Variants in DUS3L observed in about 807,000 individuals in gnomAD.
DUS3L encodes the protein dihydrouridine synthase 3 like.
In DUS3L, 62 loss-of-function variants were observed where a neutral mutation model predicts 74.6. The ratio of observed to expected loss-of-function variants is 0.83; its 90% CI spans 0.68 to 1.03. The LOEUF (loss-of-function observed/expected upper bound fraction) is 1.03. Ranked by LOEUF, DUS3L falls within the 50% of genes least tolerant of loss-of-function variation. The pLI, the probability that DUS3L is intolerant of heterozygous loss-of-function variation, is 0.00. For synonymous variants in DUS3L, 433 were observed against 395.7 expected (o/e 1.09, Z -1.12); for missense variants, 884 against 924.4 (o/e 0.96, Z 0.57).
chr19:5,788,668 C>T (rs1227312976), intron 3 of DUS3L, among the ~76,000 whole-genome samples: 2 of 151,794 alleles, frequency 1.3e-5, no homozygotes, highest in African/African-American at 2.4e-5. Context: ...CCCCGCTGCC[C>T]GACCCTGACC....
Position 5,785,230 on chromosome 19 carries a change from C to T in DUS3L, c.1926G>A (p.Pro642=), listed in dbSNP as rs765097104. 27 of 1,610,090 alleles carry T rather than the reference C, an allele frequency of 1.7e-5. No homozygotes were observed. The highest frequency in any genetic ancestry group is 3.4e-5 in the Admixed American group (2 of 59,540). ...ACTTGTACGCGTTGGCCTTGTGCTT[C>T]GGCAAGAAGGCGAAGCTGGGGGGCA... The part of the protein sequence containing the change: ...GPVPPSFAFL[P]KHKANAYK The change falls in exon 13 of 13, where the codon CCG becomes CCA. Residue 642 remains proline, a synonymous_variant. Coordinates refer to ENST00000309061, the MANE Select transcript of DUS3L (RefSeq NM_020175.3).
In DUS3L at chr19:5,790,835, G is replaced by C. The variant is rs959161894; in HGVS notation, c.98+209C>G. On this transcript the variant is annotated intron_variant, in intron 1 of 12. Transcript: ENST00000309061. The stretch of plus-strand genomic sequence containing the variant: ...AAATCCCACCTGCCCTAGCATGCAC[G>C]TGGTGTCCTTCGCGCATGTGACAGG... 2.8e-5 allele frequency: 17 copies of C among 607,168 alleles called. No individual in the cohort carries two copies. The African/African-American group carries it at 3.0e-4, about 11-fold the overall frequency. 37.6% of individuals were successfully genotyped at this position (607,168 alleles called of 1,614,324 possible). A position where few individuals can be genotyped will look rare whatever the true frequency, so the allele number is the denominator to read the frequency against.
chr19:5,790,243 C>A lies in DUS3L; in HGVS notation c.191G>T (p.Gly64Val), dbSNP rs763271275. The A allele has an allele frequency of 6.2e-7, 1 of 1,614,168 alleles. No individual in the cohort carries two copies. ...CRETEVGDPAGNELAEPEAKR... is the reference protein window; with the variant it reads ...CRETEVGDPAVNELAEPEAKR... Reference sequence around the variant, plus strand: ...AGCCTCAGGCTCAGCCAGCTCATTGCCAGCAGGGTCTCCTACCTCGGTTTC... The same window carrying A: ...AGCCTCAGGCTCAGCCAGCTCATTGACAGCAGGGTCTCCTACCTCGGTTTC... The change falls in exon 2 of 13, where the codon GGC becomes GTC. Residue 64 changes from glycine to valine, a missense_variant. Gly to Val is a moderately radical substitution (Grantham distance 109, BLOSUM62 -3). Transcript: ENST00000309061.
Position 5,785,501 on chromosome 19 carries a change from C to A in DUS3L, c.1762G>T (p.Val588Leu). Residue 588 changes from valine (V) to leucine (L), a missense_variant, in exon 12 of 13, where the codon GTG becomes TTG. Transcript: ENST00000309061. ...TGTGGGAGCCGCTCCAGCAGCCCCA[C>A]GGGCACGTACCTGCGGCGGGTGGGC... ...WLSFLCRYVP[V>L]GLLERLPQRI... 1 of 1,564,930 alleles carries A rather than the reference C, an allele frequency of 6.4e-7. No individual in the cohort carries two copies. Among genetic ancestry groups the A allele is most frequent in the Non-Finnish European group, 8.7e-7 (1 of 1,155,332 alleles).
intron 10 of DUS3L, 103 bp from the exon 11 acceptor site, chr19:5,785,894 A>C: frequency 7.7e-7 from 1 of 1,297,584 alleles, no homozygotes; most frequent in East Asian, 2.6e-5. Context: ...AGACCACAAA[A>C]CCTACAAGCC....
Position 5,787,158 on chromosome 19 carries a change from G to A in DUS3L, c.1292C>T (p.Pro431Leu), listed in dbSNP as rs1215443004. ...GCCTGTGCGGATCTTCACAGTCAGC[G>A]GCACATCCAGCACCTACAGGACGGT... ...VRGMNQVLDV[P>L]LTVKIRTGVQ... The change falls in exon 8 of 13, where the codon CCG becomes CTG. Residue 431 changes from proline (P) to leucine (L), a missense_variant. Coordinates refer to ENST00000309061, the MANE Select transcript of DUS3L (RefSeq NM_020175.3). The A allele has an allele frequency of 1.4e-5, 18 of 1,262,410 alleles. 1 individual carries two copies. The highest frequency in any genetic ancestry group is 3.1e-5 in the South Asian group (2 of 64,568). The allele number at this position is 1,262,410 out of a possible 1,614,324, so 78.2% of individuals were successfully genotyped here. A position where few individuals can be genotyped will look rare whatever the true frequency, so the allele number is the denominator to read the frequency against.
At chr19:5,790,956 C>A (rs1210656405) in intron 1 of DUS3L, 88 bp downstream of exon 1, 2 of 1,322,150 alleles carry the variant, frequency 1.5e-6, no homozygotes, top group East Asian at 2.5e-5. Flanking sequence ...CCCTCAGCCG[C>A]TGCCTAATCT....
intron 3 of DUS3L, 94 bp downstream of exon 3, chr19:5,789,113 C>T: frequency 6.8e-7 from 1 of 1,474,126 alleles, no homozygotes. Flanking sequence ...CTCTGACTCC[C>T]AGGCAGCTAG....
chr19:5,785,453 A>G lies in DUS3L; in HGVS notation c.1810T>C (p.Tyr604His), dbSNP rs778526477. 362 of 1,587,618 alleles carry G rather than the reference A, an allele frequency of 2.3e-4. No individual in the cohort carries two copies. Among genetic ancestry groups the G allele is most frequent in the Non-Finnish European group, 3.0e-4 (348 of 1,167,056 alleles). ...LPQRINERPP[Y>H]YLGRDYLETL... Reference sequence around the variant, plus strand: ...TCCAGGTAGTCGCGGCCCAGGTAGTAGGGCGGCCGCTCGTTGATCCTCTGT... The same window carrying G: ...TCCAGGTAGTCGCGGCCCAGGTAGTGGGGCGGCCGCTCGTTGATCCTCTGT... The change falls in exon 12 of 13, where the codon TAC becomes CAC. Residue 604 changes from tyrosine to histidine, a missense_variant. Transcript: ENST00000309061.
In DUS3L at chr19:5,787,612, G is replaced by C. The variant is rs1328653311; in HGVS notation, c.1189C>G (p.Pro397Ala). 1 of 1,613,558 alleles carries C rather than the reference G, an allele frequency of 6.2e-7. No homozygotes were observed. The highest frequency in any genetic ancestry group is 8.5e-7 in the Non-Finnish European group (1 of 1,179,990). ...VDFVDINVGC[P>A]IDLVYKKGGG... ...ACCTTCTTGTACACGAGGTCGATGG[G>C]GCAGCCGACGTTGATGTCCACAAAG... The change falls in exon 6 of 13, where the codon CCC becomes GCC. Residue 397 changes from proline (P) to alanine (A), a missense_variant. Pro to Ala is a conservative substitution (Grantham distance 27, BLOSUM62 -1). Transcript: ENST00000309061.
chr19:5,785,786 G>A lies in DUS3L; in HGVS notation c.1568C>T (p.Ala523Val), dbSNP rs1443669594. The change falls in exon 11 of 13, where the codon GCC becomes GTC. Residue 523 changes from alanine (A) to valine (V), a missense_variant. Ala to Val is a moderately conservative substitution (Grantham distance 64, BLOSUM62 0). Transcript: ENST00000309061. ...GVTGIMIARG[A>V]LLKPWLFTEI... Reference sequence around the variant, plus strand: ...CGTGAAGAGCCACGGCTTGAGCAGGGCGCCACTGTGGGACGGGTGACGATC... The same window carrying A: ...CGTGAAGAGCCACGGCTTGAGCAGGACGCCACTGTGGGACGGGTGACGATC... 1.3e-6 allele frequency: 2 copies of A among 1,594,452 alleles called. No homozygotes were observed. Among genetic ancestry groups the A allele is most frequent in the Non-Finnish European group, 1.7e-6 (2 of 1,171,864 alleles).
In DUS3L at chr19:5,786,467, C is replaced by T. The variant is rs747017214; in HGVS notation, c.1562G>A (p.Arg521His). 7.4e-6 allele frequency: 12 copies of T among 1,612,420 alleles called. No individual in the cohort carries two copies. Among genetic ancestry groups the T allele is most frequent in the African/African-American group, 4.0e-5 (3 of 74,908 alleles). ...QTGVTGIMIA[R>H]GALLKPWLFT... The stretch of plus-strand genomic sequence containing the variant: ...ATCTCTAACATCCCTGGGCACTTAC[C>T]GGGCAATCATGATCCCGGTGACACC... Residue 521 changes from arginine (R) to histidine (H), a missense_variant and splice_region_variant, in exon 10 of 13, where the codon CGT becomes CAT. By Grantham distance (29) the Arg-to-His change is conservative. Transcript: ENST00000309061.
Position 5,789,212 on chromosome 19 carries a change from T to G in DUS3L, c.895A>C (p.Lys299Gln), listed in dbSNP as rs2056884334. Residue 299 changes from lysine to glutamine, a missense_variant, in exon 3 of 13, where the codon AAG becomes CAG. Lys to Gln is a moderately conservative substitution (Grantham distance 53, BLOSUM62 1). Transcript: ENST00000309061. Reference protein sequence around the residue: ...DVVRLRPCEKKRLDIRGKLYL... With the variant: ...DVVRLRPCEKQRLDIRGKLYL... Reference sequence around the variant, plus strand: ...ACGTTGTCCTCAACACGTACCCGCTTCTTCTCACAGGGCCGCAGCCTGACC... The same window carrying G: ...ACGTTGTCCTCAACACGTACCCGCTGCTTCTCACAGGGCCGCAGCCTGACC... The G allele has an allele frequency of 2.0e-6, 3 of 1,533,884 alleles. No homozygotes were observed. Among genetic ancestry groups the G allele is most frequent in the Admixed American group, 2.2e-5 (1 of 46,046 alleles).
intron 7 of DUS3L, 36 bp downstream of exon 7, chr19:5,787,260 G>T: frequency 5.6e-6 from 1 of 177,766 alleles, no homozygotes; most frequent in East Asian, 1.9e-4. Context: ...CGGGGGAGTT[G>T]TTTGGGAGCC....
rs1259617889 is a variant in DUS3L, at chr19:5,785,256, C to A, written c.1900G>T (p.Val634Leu). 9 of 1,610,910 alleles carry A rather than the reference C, an allele frequency of 5.6e-6. No individual in the cohort carries two copies. The highest frequency in any genetic ancestry group is 2.2e-5 in the South Asian group (2 of 90,644). Residue 634 changes from valine (V) to leucine (L), a missense_variant, in exon 13 of 13, where the codon GTG becomes TTG. Transcript: ENST00000309061. ...IRISEMLLGPVPPSFAFLPKH... is the reference protein window; with the variant it reads ...IRISEMLLGPLPPSFAFLPKH... The stretch of plus-strand genomic sequence containing the variant: ...GGCAAGAAGGCGAAGCTGGGGGGCA[C>A]TGGCCCAAGGAGCATCTCGCTGTGG...
chr19:5,788,695 G>A (rs1469268240), intron 3 of DUS3L, among the ~76,000 whole-genome samples: 3 of 149,094 alleles, frequency 2.0e-5, no homozygotes, highest in East Asian at 2.0e-4. Context: ...GACTTAGAGT[G>A]TGTCCAGCTC....
intron 8 of DUS3L, 32 bp downstream of exon 8, chr19:5,787,029 G>A: frequency 1.3e-6 from 2 of 1,513,616 alleles, no homozygotes; most frequent in Non-Finnish European, 1.8e-6. Flanking sequence ...TCGACCGCGA[G>A]GCCCCAATGC....
At position 5,787,391 on chromosome 19, in the gene DUS3L, C is replaced by T. The variant is rs756371314; in HGVS notation, c.1213-30G>A. ...AAGAGACAGGCGGGTGGAGGGAGGG[C>T]AGGACGTGGGCTGACCCAAGACCCC... is the stretch of plus-strand genomic sequence containing the variant. On this transcript the variant is annotated intron_variant, in intron 6 of 12. Coordinates refer to ENST00000309061, the MANE Select transcript of DUS3L (RefSeq NM_020175.3). 4 of 1,608,932 alleles carry T rather than the reference C, an allele frequency of 2.5e-6. No individual in the cohort carries two copies. The South Asian group carries it at 4.4e-5, about 18-fold the overall frequency.
chr19:5,790,418 C>G, intron 1 of DUS3L, 83 bp from the exon 2 acceptor site: 1 of 1,534,226 alleles, frequency 6.5e-7, no homozygotes, highest in South Asian at 1.2e-5. Flanking sequence ...CTTGCACGTC[C>G]TTAAATCCTT....
Sources: gnomAD v4.1 joint callset for allele counts (sites outside exome capture counted in the v4.1 genomes callset) on GRCh38, gnomAD v4.1.1 for gene constraint, MANE v1.5 for transcripts, NCBI Gene and HGNC (gene_info 2026-07-23, HGNC 2026-07-21) for gene names.